The following TCF12 variants were observed in gnomAD, a reference collection of about 807,000 sequenced individuals.
TCF12 encodes the protein transcription factor 12.
In TCF12, 45 loss-of-function variants were observed where a neutral mutation model predicts 86.0. That is an observed-to-expected ratio of 0.52 (90% CI 0.41 to 0.67). The LOEUF is 0.67. TCF12 is among the 30% of genes least tolerant of loss of function. TCF12 has a pLI of 0.00. For missense variants in TCF12, 881 were observed against 859.9 expected (o/e 1.02, Z -0.31); for synonymous variants, 330 against 299.6 (o/e 1.10, Z -1.05).
At chr15:57,221,420 A>T (rs1344137676) in intron 8 of TCF12, among the ~76,000 whole-genome samples, 2 of 143,960 alleles carry the variant, frequency 1.4e-5, no homozygotes, top group Non-Finnish European at 3.1e-5. Context: ...GTGCACGTGT[A>T]TAAGTTCAGT....
At chr15:56,940,256 TTAA>T (rs1449330556) in intron 3 of TCF12, among the ~76,000 whole-genome samples, 4 of 152,106 alleles carry the variant, frequency 2.6e-5, no homozygotes, top group Admixed American at 1.3e-4. Flanking sequence ...ATAGTCTTAT[TTAA>T]TGGAATTATG....
intron 3 of TCF12, among the ~76,000 whole-genome samples, chr15:56,965,858 C>G (rs2061979108): frequency 6.6e-6 from 1 of 152,152 alleles, no homozygotes; most frequent in African/African-American, 2.4e-5. Context: ...CAATTAGTCA[C>G]TGGCTCTGAT....
intron 11 of TCF12, 85 bp downstream of exon 11, chr15:57,232,941 T>A: frequency 2.3e-6 from 2 of 878,452 alleles, no homozygotes; most frequent in Non-Finnish European, 3.0e-6. Flanking sequence ...TATGTATGTT[T>A]TATATATATA....
intron 3 of TCF12, among the ~76,000 whole-genome samples, chr15:57,058,667 A>G (rs533312632): frequency 6.6e-6 from 1 of 152,340 alleles, no homozygotes; most frequent in African/African-American, 2.4e-5. Flanking sequence ...AACTAATGTT[A>G]TATACTTTAG....
intron 3 of TCF12, among the ~76,000 whole-genome samples, chr15:57,019,772 C>G (rs1211964179): frequency 2.0e-5 from 3 of 152,114 alleles, no homozygotes; most frequent in Non-Finnish European, 2.9e-5. Flanking sequence ...TGTCACAAAT[C>G]TTGTGACCTC....
rs754560804 is a variant in TCF12, at chr15:57,192,205, ATCT to A, written c.444_446del (p.Ser149del). 6.3e-5 allele frequency: 101 copies of A among 1,613,976 alleles called. No homozygotes were observed. The highest frequency in any genetic ancestry group is 8.2e-5 in the Non-Finnish European group (97 of 1,180,006). ...TGGGGCTTGGGAGCCCAGCACAGCT[ATCT>A]TCTTCAGGAAAACCTGGGACAGCAT... On this transcript the variant is annotated inframe_deletion, in exon 7 of 21. Coordinates refer to ENST00000333725, the MANE Select transcript of TCF12 (RefSeq NM_207037.2).
chr15:57,110,165 A>G (rs1394995092), intron 5 of TCF12, among the ~76,000 whole-genome samples: 1 of 152,256 alleles, frequency 6.6e-6, no homozygotes, highest in Non-Finnish European at 1.5e-5. Context: ...ATAATTGACT[A>G]CCTTGAAAGA....
chr15:56,956,747 G>A (rs1297696374), intron 3 of TCF12, among the ~76,000 whole-genome samples: 1 of 151,842 alleles, frequency 6.6e-6, no homozygotes, highest in African/African-American at 2.4e-5. Flanking sequence ...TCTAATGATA[G>A]TCTTATCTTT....
rs1408743191 is a variant in TCF12, at chr15:57,075,383, G to GT, written c.222+11568dup. 4.6e-5 allele frequency among the ~76,000 whole-genome samples: 7 copies of GT among 151,914 alleles called. No individual in the cohort carries two copies. In the East Asian group the frequency reaches 5.8e-4, roughly 13 times the overall value. On this transcript the variant is annotated intron_variant, in intron 4 of 20. Transcript: ENST00000333725. ...ATCTTTATGTTGTTAACATGGAAAT[G>GT]TTTTTTTTCCCAGCTCCTTTCATTC...
chr15:56,954,934 C>G (rs146486198), intron 3 of TCF12, among the ~76,000 whole-genome samples: 43 of 152,278 alleles, frequency 2.8e-4, no homozygotes, highest in African/African-American at 9.9e-4. Flanking sequence ...GAAACAGGAA[C>G]GCTTTTACAC....
At chr15:57,031,230 C>T (rs951454031) in intron 3 of TCF12, among the ~76,000 whole-genome samples, 3 of 152,104 alleles carry the variant, frequency 2.0e-5, no homozygotes, top group Admixed American at 2.0e-4. Context: ...AATGTTGGCT[C>T]CTGTCAAGTG....
intron 6 of TCF12, among the ~76,000 whole-genome samples, chr15:57,175,016 A>C (rs2055804844): frequency 6.6e-6 from 1 of 152,214 alleles, no homozygotes; most frequent in Admixed American, 6.5e-5. Context: ...AGGTTAAAAA[A>C]AAAATAAATC....
intron 16 of TCF12, among the ~76,000 whole-genome samples, chr15:57,261,466 G>A (rs2060581877): frequency 6.6e-6 from 1 of 152,054 alleles, no homozygotes; most frequent in African/African-American, 2.4e-5. Flanking sequence ...TACTCAAGAG[G>A]GATTCAAAGC....
chr15:57,129,046 C>A (rs1200312829), intron 5 of TCF12, among the ~76,000 whole-genome samples: 4 of 152,060 alleles, frequency 2.6e-5, no homozygotes, highest in African/African-American at 9.7e-5. Context: ...GGGTGTATAC[C>A]TAGGAGTGGA....
chr15:57,244,133 C>T (rs1420912031), intron 13 of TCF12, among the ~76,000 whole-genome samples: 3 of 152,232 alleles, frequency 2.0e-5, no homozygotes, highest in Middle Eastern at 3.4e-3. Context: ...CCCACCTTGG[C>T]CCCCCAAAAT....
At chr15:56,994,275 A>G (rs1369729603) in intron 3 of TCF12, among the ~76,000 whole-genome samples, 1 of 152,176 alleles carries the variant, frequency 6.6e-6, no homozygotes, top group East Asian at 1.9e-4. Flanking sequence ...CATTTAAACA[A>G]GAACCAAAAT....
At chr15:57,160,624 T>C (rs1333491204) in intron 5 of TCF12, among the ~76,000 whole-genome samples, 1 of 152,192 alleles carries the variant, frequency 6.6e-6, no homozygotes, top group African/African-American at 2.4e-5. Context: ...GGTCATCCAG[T>C]AGGCTATAAG....
chr15:57,278,536 TA>T (rs34981887), intron 19 of TCF12: 127,037 of 157,240 alleles, frequency 0.81, 51,778 homozygotes, highest in African/African-American at 0.92. Flanking sequence ...GCAATCACTG[TA>T]AAAAAAAAAA....
intron 6 of TCF12, among the ~76,000 whole-genome samples, chr15:57,171,802 A>G (rs2055523036): frequency 6.6e-6 from 1 of 152,236 alleles, no homozygotes; most frequent in African/African-American, 2.4e-5. Flanking sequence ...CATAGAAGCC[A>G]GTGTCTTTAT....
Sources: gnomAD v4.1 joint callset for allele counts (sites outside exome capture counted in the v4.1 genomes callset) on GRCh38, gnomAD v4.1.1 for gene constraint, MANE v1.5 for transcripts, NCBI Gene and HGNC (gene_info 2026-07-23, HGNC 2026-07-21) for gene names.